The following GRID2 variants were observed in gnomAD, a reference collection of about 807,000 sequenced individuals.
GRID2 encodes the protein glutamate ionotropic receptor delta type subunit 2.
Under a neutral mutation model 114.8 loss-of-function variants are expected in GRID2, and 33 were observed. The ratio of observed to expected loss-of-function variants is 0.29; its 90% CI spans 0.22 to 0.38. The LOEUF (loss-of-function observed/expected upper bound fraction) is 0.38, where lower values mean the gene tolerates loss of function less well. GRID2 is among the 10% of genes least tolerant of loss of function. The pLI is 1.00. For missense variants in GRID2, 1,184 were observed against 1,257.7 expected (o/e 0.94, Z 0.89); for synonymous variants, 505 against 449.9 (o/e 1.12, Z -1.55).
chr4:93,776,627 C>T (rs915246508), downstream of GRID2, among the ~76,000 whole-genome samples: 1 of 152,162 alleles, frequency 6.6e-6, no homozygotes, highest in Non-Finnish European at 1.5e-5. Flanking sequence ...GCACAGTCTT[C>T]TTGGTTGGGT....
At chr4:92,729,549 C>A (rs1190959293) in intron 2 of GRID2, among the ~76,000 whole-genome samples, 1 of 152,000 alleles carries the variant, frequency 6.6e-6, no homozygotes, top group Non-Finnish European at 1.5e-5. Context: ...TTTCCTGAAG[C>A]ATTTCTTGTA....
intron 2 of GRID2, among the ~76,000 whole-genome samples, chr4:92,634,747 C>CT (rs3077529): frequency 0.19 from 22,993 of 121,078 alleles, 2,107 homozygotes; most frequent in East Asian, 0.34. Context: ...TTTTTTTTTT[C>CT]TTTTTTTTTT....
intron 2 of GRID2, among the ~76,000 whole-genome samples, chr4:92,688,185 G>A (rs1475856024): frequency 1.3e-5 from 2 of 151,152 alleles, no homozygotes; most frequent in Admixed American, 6.6e-5. Context: ...GAGTAGCTGA[G>A]ATGACAGGTG....
At chr4:93,403,126 G>A (rs774316874) in intron 9 of GRID2, among the ~76,000 whole-genome samples, 12 of 152,178 alleles carry the variant, frequency 7.9e-5, no homozygotes, top group South Asian at 4.1e-4. Flanking sequence ...AATGTCTTAC[G>A]AGGGCTCCTT....
At chr4:92,774,262 A>G (rs1738680323) in intron 2 of GRID2, among the ~76,000 whole-genome samples, 1 of 152,124 alleles carries the variant, frequency 6.6e-6, no homozygotes, top group Admixed American at 6.6e-5. Flanking sequence ...AGAGCATTCC[A>G]AGGAAACAAA....
chr4:93,537,795 T>G (rs532840098), intron 13 of GRID2, among the ~76,000 whole-genome samples: 1 of 151,882 alleles, frequency 6.6e-6, no homozygotes, highest in Admixed American at 6.6e-5. Context: ...CCCCATAAAA[T>G]TATTTTTTAA....
intron 14 of GRID2, among the ~76,000 whole-genome samples, chr4:93,702,107 G>T (rs1328677647): frequency 6.6e-6 from 1 of 151,954 alleles, no homozygotes; most frequent in Non-Finnish European, 1.5e-5. Context: ...ATCGACTCTT[G>T]TGTCTCCAAA....
At position 93,769,033 on chromosome 4, in the gene GRID2, A is replaced by G. The variant is rs151159461; in HGVS notation, c.2361-177A>G. ...CAGTGTGGTGCAATGCTGTCTGTAG[A>G]ATCAAAGCAATGATGACTTTCTGTT... On this transcript the variant is annotated intron_variant, in intron 14 of 15. Transcript: ENST00000282020. Among the ~76,000 whole-genome samples, 698 of 152,306 alleles carry G rather than the reference A, an allele frequency of 4.6e-3. 6 individuals are homozygous for G. The highest frequency in any genetic ancestry group is 0.016 in the African/African-American group (657 of 41,560).
chr4:92,630,987 T>TA (rs777719112), intron 2 of GRID2, among the ~76,000 whole-genome samples: 7 of 151,808 alleles, frequency 4.6e-5, no homozygotes, highest in Non-Finnish European at 1.0e-4. Flanking sequence ...CTTCTTTTTT[T>TA]ATAGTGAGTA....
intron 2 of GRID2, among the ~76,000 whole-genome samples, chr4:92,802,453 T>C (rs1440573406): frequency 6.6e-6 from 1 of 151,858 alleles, no homozygotes; most frequent in Non-Finnish European, 1.5e-5. Flanking sequence ...TGTGTATTTA[T>C]CACTGCCTCC....
chr4:92,547,307 A>T (rs1249680532), intron 1 of GRID2, among the ~76,000 whole-genome samples: 6 of 152,222 alleles, frequency 3.9e-5, no homozygotes, highest in Non-Finnish European at 8.8e-5. Context: ...TACACTTTAG[A>T]CATAGAATTA....
At chr4:92,684,404 A>G (rs1432028132) in intron 2 of GRID2, among the ~76,000 whole-genome samples, 3 of 152,028 alleles carry the variant, frequency 2.0e-5, no homozygotes, top group Non-Finnish European at 4.4e-5. Flanking sequence ...TATTACTTCA[A>G]TATACCTACA....
chr4:93,327,689 G>T (rs1757985234), intron 8 of GRID2, among the ~76,000 whole-genome samples: 2 of 151,400 alleles, frequency 1.3e-5, no homozygotes, highest in African/African-American at 4.9e-5. Context: ...GCTGAATAAT[G>T]TGTACACATG....
intron 2 of GRID2, among the ~76,000 whole-genome samples, chr4:92,926,548 C>T (rs1749822202): frequency 6.6e-6 from 1 of 151,872 alleles, no homozygotes; most frequent in South Asian, 2.1e-4. Flanking sequence ...CAAAGACATC[C>T]TTTCAAGTAT....
chr4:93,368,526 A>G (rs1032809261), intron 8 of GRID2, among the ~76,000 whole-genome samples: 3 of 152,098 alleles, frequency 2.0e-5, no homozygotes, highest in Admixed American at 1.3e-4. Flanking sequence ...TACATTAGAT[A>G]TATGTCCTAA....
intron 13 of GRID2, among the ~76,000 whole-genome samples, chr4:93,555,834 G>A (rs1734265073): frequency 6.6e-6 from 1 of 152,166 alleles, no homozygotes; most frequent in African/African-American, 2.4e-5. Flanking sequence ...AGCAGGGATT[G>A]ACAGACACCT....
rs936171191 is a variant in GRID2 at position 93,012,975 on chromosome 4, A to G, written c.245-72020A>G. Among the ~76,000 whole-genome samples, 4 of 152,170 alleles carry G rather than the reference A, an allele frequency of 2.6e-5. No individual in the cohort carries two copies. The East Asian group carries it at 7.7e-4, about 29-fold the overall frequency. On this transcript the variant is annotated intron_variant, in intron 2 of 15. Coordinates refer to ENST00000282020, the MANE Select transcript of GRID2 (RefSeq NM_001510.4). ...AATAATTAGAATCTAAAACTCCTTTAATATTTAATATACTGATGGCTTTGC... is the reference window on the plus strand; with the variant it reads ...AATAATTAGAATCTAAAACTCCTTTGATATTTAATATACTGATGGCTTTGC...
chr4:92,761,776 G>C (rs1738022963), intron 2 of GRID2, among the ~76,000 whole-genome samples: 1 of 152,108 alleles, frequency 6.6e-6, no homozygotes, highest in Admixed American at 6.6e-5. Flanking sequence ...AGCTGGTGAG[G>C]AGAGATCAAA....
chr4:93,437,189 C>T (rs1721172981), intron 10 of GRID2, among the ~76,000 whole-genome samples: 1 of 152,114 alleles, frequency 6.6e-6, no homozygotes, highest in Non-Finnish European at 1.5e-5. Flanking sequence ...CACAGTCTCA[C>T]ATACTATGTA....
Sources: gnomAD v4.1 joint callset for allele counts (sites outside exome capture counted in the v4.1 genomes callset) on GRCh38, gnomAD v4.1.1 for gene constraint, MANE v1.5 for transcripts, NCBI Gene and HGNC (gene_info 2026-07-23, HGNC 2026-07-21) for gene names.